Variants in PEAR1 observed in about 807,000 individuals in gnomAD.
The protein encoded by PEAR1 is multiple EGF-like domains protein 12.
A neutral mutation model predicts 131.2 loss-of-function variants in PEAR1; 113 were observed. The observed-to-expected ratio is 0.86, with a 90% CI of 0.74 to 1.01. The LOEUF is 1.01. Ranked by LOEUF, PEAR1 falls within the 50% of genes least tolerant of loss-of-function variation. PEAR1 has a pLI of 0.00. For missense variants in PEAR1, 1,408 were observed against 1,391.1 expected (o/e 1.01, Z -0.19); for synonymous variants, 565 against 523.3 (o/e 1.08, Z -1.09).
intron 1 of PEAR1, among the ~76,000 whole-genome samples, chr1:156,898,462 C>T (rs4147300): frequency 6.6e-6 from 1 of 151,718 alleles, no homozygotes; most frequent in Non-Finnish European, 1.5e-5. Flanking sequence ...GGGCCTGGCC[C>T]CGCTGGATAT....
chr1:156,908,817 G>T lies in PEAR1; in HGVS notation c.1278G>T (p.Ala426=). 6.2e-7 allele frequency: 1 copy of T among 1,606,816 alleles called. No homozygotes were observed. Among genetic ancestry groups the T allele is most frequent in the Non-Finnish European group, 8.5e-7 (1 of 1,179,320 alleles). The change falls in exon 10 of 23, where the codon GCG becomes GCT. Residue 426 remains alanine (A), a synonymous_variant. Coordinates refer to ENST00000292357, the MANE Select transcript of PEAR1 (RefSeq NM_001080471.3). The surrounding 1 kb of genome is among the most constrained non-coding windows in gnomAD (Gnocchi z 4.2). ...CQATSGLCQC[A]PGYTGPHCAS... ...CTACCAGCGGCCTCTGTCAGTGCGC[G>T]CCGGGTTACACGGTGAGGCGCGCCC...
At chr1:156,895,885 G>A (rs1452830644) in intron 1 of PEAR1, among the ~76,000 whole-genome samples, 2 of 152,146 alleles carry the variant, frequency 1.3e-5, no homozygotes, top group African/African-American at 2.4e-5. Context: ...GTTCAAGACC[G>A]GCCTGGTCAA....
chr1:156,901,488 C>T (rs1182077934), intron 1 of PEAR1, among the ~76,000 whole-genome samples: 3 of 152,232 alleles, frequency 2.0e-5, no homozygotes, highest in African/African-American at 7.2e-5. Flanking sequence ...GGCCTTAACT[C>T]GACTCCTTCC....
chr1:156,896,564 T>G (rs1161889087), intron 1 of PEAR1, among the ~76,000 whole-genome samples: 1 of 152,248 alleles, frequency 6.6e-6, no homozygotes, highest in East Asian at 1.9e-4. Flanking sequence ...TCAGGATCCC[T>G]GCAGGTGAGT....
Position 156,909,911 on chromosome 1 carries a change from T to C in PEAR1, c.1572T>C (p.Cys524=), listed in dbSNP as rs182863354. ...ATGGGGCCCACTGCCAGCTGCCCTG[T>C]CCGGTGAGTGCTGGACAGCCTGTCT... The part of the protein sequence containing the change: ...GWHGAHCQLP[C]PKGQFGEGCA... The change falls in exon 12 of 23, where the codon TGT becomes TGC. Residue 524 remains cysteine, a synonymous_variant. Transcript: ENST00000292357. 7.1e-4 allele frequency: 1,150 copies of C among 1,609,226 alleles called. 12 individuals carry two copies. In the East Asian group the frequency reaches 0.024, roughly 33 times the overall value.
intron 14 of PEAR1, 105 bp downstream of exon 14, chr1:156,910,485 T>C (rs1650935224): frequency 8.4e-6 from 13 of 1,539,188 alleles, no homozygotes; most frequent in Admixed American, 1.8e-5. Flanking sequence ...CTCTCCCACC[T>C]TACCCCCGGT....
chr1:156,894,911 G>A (rs1322093000), intron 1 of PEAR1, among the ~76,000 whole-genome samples: 1 of 152,202 alleles, frequency 6.6e-6, no homozygotes, highest in African/African-American at 2.4e-5. Flanking sequence ...GGAGACGGGG[G>A]AGCTCATCTC....
intron 11 of PEAR1, 50 bp downstream of exon 11, chr1:156,909,086 A>T: frequency 6.2e-7 from 1 of 1,609,612 alleles, no homozygotes; most frequent in Non-Finnish European, 8.5e-7. Context: ...TGGCCAAGGG[A>T]AGAAGGGAGA....
chr1:156,908,832 G>A lies in PEAR1; in HGVS notation c.1290+3G>A. ...GTCAGTGCGCGCCGGGTTACACGGT[G>A]AGGCGCGCCCGGCTGCAAGGAAGCG... On this transcript the variant is annotated splice_donor_region_variant and intron_variant, in intron 10 of 22. Coordinates refer to ENST00000292357, the MANE Select transcript of PEAR1 (RefSeq NM_001080471.3). This position sits in a 1 kb window ranked among gnomAD's most constrained non-coding sequence, Gnocchi z 4.2. 6.2e-7 allele frequency: 1 copy of A among 1,605,332 alleles called. No individual in the cohort carries two copies. The highest frequency in any genetic ancestry group is 8.5e-7 in the Non-Finnish European group (1 of 1,178,416).
rs1651799471 is a variant in PEAR1 at position 156,915,665 on chromosome 1, G to A, written c.*867G>A. On this transcript the variant is annotated 3_prime_UTR_variant, in exon 23 of 23. Transcript: ENST00000292357. Reference sequence around the variant, plus strand: ...TGTGTTCACTCACCAGGTACCTGCAGAAGGCCTACAGGGTGCCAGGCACTT... The same window carrying A: ...TGTGTTCACTCACCAGGTACCTGCAAAAGGCCTACAGGGTGCCAGGCACTT... 6.6e-6 allele frequency: 1 copy of A among 152,266 alleles called. No homozygotes were observed. Among genetic ancestry groups the A allele is most frequent in the South Asian group, 2.1e-4 (1 of 4,828 alleles). 9.4% of individuals were successfully genotyped at this position (152,266 alleles called of 1,614,324 possible).
intron 11 of PEAR1, 90 bp downstream of exon 11, chr1:156,909,126 G>C: frequency 2.6e-6 from 4 of 1,554,274 alleles, no homozygotes; most frequent in Non-Finnish European, 3.5e-6. Context: ...CCAAGGGCAG[G>C]GGAGCGGCTG....
chr1:156,906,473 C>T (rs1377832775), intron 5 of PEAR1, 105 bp downstream of exon 5: 18 of 1,529,836 alleles, frequency 1.2e-5, no homozygotes, highest in African/African-American at 2.7e-5. Flanking sequence ...GACCCCAGGG[C>T]GATTACCCGC....
At position 156,908,695 on chromosome 1, in the gene PEAR1, T is replaced by C. The variant is rs1334473462; in HGVS notation, c.1156T>C (p.Trp386Arg). ...MNGECSCLPG[W>R]AGLHCNESCP... ...CGGGGAGTGCTCCTGCCTGCCGGGC[T>C]GGGCGGGCCTCCACTGCAACGAGAG... Residue 386 changes from tryptophan to arginine, a missense_variant, in exon 10 of 23, where the codon TGG (tryptophan) becomes CGG (arginine). Physicochemically the swap from Trp to Arg is moderately radical, Grantham distance 101. Transcript: ENST00000292357. This position sits in a 1 kb window ranked among gnomAD's most constrained non-coding sequence, Gnocchi z 4.2. 3 of 1,538,228 alleles carry C rather than the reference T, an allele frequency of 2.0e-6. No individual in the cohort carries two copies. Among genetic ancestry groups the C allele is most frequent in the Non-Finnish European group, 1.7e-6 (2 of 1,146,892 alleles).
chr1:156,911,669 C>G (rs559161045), intron 15 of PEAR1, among the ~76,000 whole-genome samples: 1 of 151,756 alleles, frequency 6.6e-6, no homozygotes, highest in African/African-American at 2.4e-5. Flanking sequence ...ATTTTATGAG[C>G]CTTTCCCCCA....
Position 156,914,662 on chromosome 1 carries a change from G to A in PEAR1, c.2978G>A (p.Gly993Asp), listed in dbSNP as rs746794972. 3.7e-6 allele frequency: 6 copies of A among 1,611,580 alleles called. No homozygotes were observed. The highest frequency in any genetic ancestry group is 5.1e-6 in the Non-Finnish European group (6 of 1,178,800). Residue 993 changes from glycine (G) to aspartate (D), a missense_variant, in exon 23 of 23, where the codon GGC (glycine) becomes GAC (aspartate). Transcript: ENST00000292357. ...ATGTTTCCAGACCGAGACTCTGTGG[G>A]CTCCCAGCCCCCTCTGCCTCCGGGC... ...SPLIHDRDSV[G>D]SQPPLPPGLP... is the part of the protein sequence containing the mutation.
chr1:156,905,570 C>T (rs532383838), intron 4 of PEAR1, 146 bp downstream of exon 4: 2 of 690,426 alleles, frequency 2.9e-6, no homozygotes, highest in Admixed American at 6.5e-5. Flanking sequence ...TCTCCCTGGC[C>T]TTGTCCCCAG....
chr1:156,906,300 A>C lies in PEAR1; in HGVS notation c.332A>C (p.His111Pro). ...GCGCTCTGTGCCCAGGAGTGTGTCCATGGCCGTTGTGTGGCACCCAATCAG... is the reference window on the plus strand; with the variant it reads ...GCGCTCTGTGCCCAGGAGTGTGTCCCTGGCCGTTGTGTGGCACCCAATCAG... ...CVPLCAQECV[H>P]GRCVAPNQCQ... The change falls in exon 5 of 23, where the codon CAT (histidine) becomes CCT (proline). Residue 111 changes from histidine (H) to proline (P), a missense_variant. By Grantham distance (77) the His-to-Pro change is moderately conservative (BLOSUM62 -2). Transcript: ENST00000292357. The C allele has an allele frequency of 6.2e-7, 1 of 1,614,144 alleles. No homozygotes were observed. Among genetic ancestry groups the C allele is most frequent in the Non-Finnish European group, 8.5e-7 (1 of 1,180,004 alleles).
At position 156,911,430 on chromosome 1, in the gene PEAR1, C is replaced by G. The variant is rs149259370; in HGVS notation, c.1951+687C>G. On this transcript the variant is annotated intron_variant, in intron 15 of 22. Coordinates refer to ENST00000292357, the MANE Select transcript of PEAR1 (RefSeq NM_001080471.3). ...CAGTAGCTGGGATTACAGGCACACA[C>G]CACCACAGCAGGCTAATTTTTGTAT... Among the ~76,000 whole-genome samples the G allele has an allele frequency of 8.6e-3, 1,298 of 151,678 alleles. 16 individuals carry two copies. The highest frequency in any genetic ancestry group is 0.029 in the African/African-American group (1,207 of 41,412).
chr1:156,907,967 C>G lies in PEAR1; in HGVS notation c.818C>G (p.Ser273Cys). 6.3e-7 allele frequency: 1 copy of G among 1,583,054 alleles called. No individual in the cohort carries two copies. The highest frequency in any genetic ancestry group is 1.3e-5 in the African/African-American group (1 of 74,322). Residue 273 changes from serine to cysteine, a missense_variant, in exon 8 of 23, where the codon TCC becomes TGC. Coordinates refer to ENST00000292357, the MANE Select transcript of PEAR1 (RefSeq NM_001080471.3). The stretch of plus-strand genomic sequence containing the variant: ...GAGGGCTTTCACGGACCCAACTGCT[C>G]CCAGGAATGTCGCTGCCACAACGGC... Reference protein sequence around the residue: ...CPEGFHGPNCSQECRCHNGGL... With the variant: ...CPEGFHGPNCCQECRCHNGGL...
Sources: gnomAD v4.1 joint callset for allele counts (sites outside exome capture counted in the v4.1 genomes callset) on GRCh38, gnomAD v4.1.1 for gene constraint, Gnocchi (gnomAD v3.1) non-coding constraint, MANE v1.5 for transcripts, NCBI Gene and HGNC (gene_info 2026-07-23, HGNC 2026-07-21) for gene names.